The following TPH2 variants were observed in gnomAD, a reference collection of about 807,000 sequenced individuals.
The protein encoded by TPH2 is tryptophan hydroxylase 2, also known as tryptophan 5-hydroxylase 2.
Under a neutral mutation model 59.1 loss-of-function variants are expected in TPH2, and 27 were observed. The ratio of observed to expected loss-of-function variants is 0.46; its 90% CI spans 0.34 to 0.63. The LOEUF (loss-of-function observed/expected upper bound fraction) is 0.63. Ranked by LOEUF, TPH2 falls within the 30% of genes least tolerant of loss-of-function variation. The probability of loss-of-function intolerance (pLI) is 0.01; values close to 1 mark genes in which losing one functional copy is unlikely to be tolerated. For synonymous variants in TPH2, 220 were observed against 210.5 expected (o/e 1.05, Z -0.39); for missense variants, 523 against 588.3 (o/e 0.89, Z 1.15).
In TPH2 at chr12:71,949,470, C is replaced by T. The variant is rs535029649; in HGVS notation, c.541-118C>T. 1.9e-5 allele frequency: 16 copies of T among 826,670 alleles called. No individual in the cohort carries two copies. The African/African-American group carries it at 2.5e-4, about 13-fold the overall frequency. 51.2% of individuals were successfully genotyped at this position (826,670 alleles called of 1,614,324 possible). On this transcript the variant is annotated intron_variant, in intron 4 of 10. Coordinates refer to ENST00000333850, the MANE Select transcript of TPH2 (RefSeq NM_173353.4). The stretch of plus-strand genomic sequence containing the variant: ...CTGTCTGTGTCATCAAGATGGCCAT[C>T]CTAGGATAAGATTTACATATGAATT...
intron 8 of TPH2, among the ~76,000 whole-genome samples, chr12:72,017,169 A>T (rs1203703096): frequency 6.6e-5 from 10 of 152,128 alleles, no homozygotes; most frequent in Non-Finnish European, 1.3e-4. Context: ...GTGTCTGTGG[A>T]CTTGGTCCCT....
In TPH2 at chr12:71,957,762, A is replaced by G. The variant is rs372095428; in HGVS notation, c.608+8107A>G. Reference sequence around the variant, plus strand: ...GAGGGGACCTCCCAGCTTCACATAAATCATGCACATAGTTTGCTTCTTTAA... The same window carrying G: ...GAGGGGACCTCCCAGCTTCACATAAGTCATGCACATAGTTTGCTTCTTTAA... On this transcript the variant is annotated intron_variant, in intron 5 of 10. Coordinates refer to ENST00000333850, the MANE Select transcript of TPH2 (RefSeq NM_173353.4). 9.2e-5 allele frequency among the ~76,000 whole-genome samples: 14 copies of G among 152,306 alleles called. No individual in the cohort carries two copies. The South Asian group carries it at 1.0e-3, about 11-fold the overall frequency.
chr12:71,999,668 G>A (rs1872774119), intron 8 of TPH2, among the ~76,000 whole-genome samples: 1 of 152,124 alleles, frequency 6.6e-6, no homozygotes, highest in African/African-American at 2.4e-5. Context: ...AAGATAATAA[G>A]GAGTATCAGA....
chr12:71,961,714 G>C (rs746065300), intron 5 of TPH2: 1 of 1,348,722 alleles, frequency 7.4e-7, no homozygotes, highest in South Asian at 1.1e-5. Context: ...GATAGTTTTT[G>C]CAGATGAAAA....
intron 9 of TPH2, among the ~76,000 whole-genome samples, chr12:72,027,990 G>T (rs192456103): frequency 3.9e-5 from 6 of 152,284 alleles, no homozygotes; most frequent in Non-Finnish European, 7.4e-5. Flanking sequence ...TATACGTCTA[G>T]CCTCTGGGGA....
chr12:71,949,720 A>C (rs1027083612), intron 5 of TPH2, 65 bp downstream of exon 5: 13 of 1,364,826 alleles, frequency 9.5e-6, no homozygotes, highest in Non-Finnish European at 1.4e-5. Context: ...TGTGTTAAAC[A>C]AACCTGTCAT....
intron 9 of TPH2, among the ~76,000 whole-genome samples, chr12:72,023,978 G>T (rs1335468546): frequency 6.6e-6 from 1 of 152,108 alleles, no homozygotes; most frequent in Non-Finnish European, 1.5e-5. Context: ...GAGGCATAAA[G>T]ACATTAAGGA....
intron 8 of TPH2, among the ~76,000 whole-genome samples, chr12:72,020,185 G>A (rs759429446): frequency 6.6e-6 from 1 of 152,200 alleles, no homozygotes; most frequent in Non-Finnish European, 1.5e-5. Context: ...CACCTAGTTA[G>A]TAGAGGCTAG....
intron 8 of TPH2, among the ~76,000 whole-genome samples, chr12:72,019,794 T>C (rs1873359010): frequency 6.6e-6 from 1 of 152,110 alleles, no homozygotes; most frequent in South Asian, 2.1e-4. Context: ...TCAAGAAGTA[T>C]TTGTAGAATA....
chr12:72,017,751 C>T (rs1420674702), intron 8 of TPH2, among the ~76,000 whole-genome samples: 1 of 152,190 alleles, frequency 6.6e-6, no homozygotes, highest in Non-Finnish European at 1.5e-5. Flanking sequence ...GGAGAATTAT[C>T]TGAGGAAACC....
At position 72,032,201 on chromosome 12, in the gene TPH2, T is replaced by C. The variant is rs1330434628; in HGVS notation, c.*506T>C. On this transcript the variant is annotated 3_prime_UTR_variant, in exon 11 of 11. Coordinates refer to ENST00000333850, the MANE Select transcript of TPH2 (RefSeq NM_173353.4). Reference sequence around the variant, plus strand: ...TTCAATATTCTATTTCAAAAATTGTTGAGGTAACACAGCAGTTGGAATGAT... The same window carrying C: ...TTCAATATTCTATTTCAAAAATTGTCGAGGTAACACAGCAGTTGGAATGAT... 1 of 174,814 alleles carries C rather than the reference T, an allele frequency of 5.7e-6. No homozygotes were observed. Among genetic ancestry groups the C allele is most frequent in the Non-Finnish European group, 1.2e-5 (1 of 80,850 alleles). 10.8% of individuals were successfully genotyped at this position (174,814 alleles called of 1,614,324 possible). A position where few individuals can be genotyped will look rare whatever the true frequency, so the allele number is the denominator to read the frequency against.
intron 6 of TPH2, among the ~76,000 whole-genome samples, chr12:71,978,432 T>C (rs908004653): frequency 3.3e-5 from 5 of 152,210 alleles, no homozygotes; most frequent in Admixed American, 6.5e-5. Flanking sequence ...CTTCAAATCA[T>C]GATAATTTAT....
chr12:71,968,993 G>C (rs1021335934), intron 5 of TPH2, among the ~76,000 whole-genome samples: 1 of 152,298 alleles, frequency 6.6e-6, no homozygotes, highest in East Asian at 1.9e-4. Context: ...ATAGAAAGAT[G>C]CATAACGGGC....
At chr12:72,005,767 T>C (rs922643689) in intron 8 of TPH2, among the ~76,000 whole-genome samples, 1 of 152,206 alleles carries the variant, frequency 6.6e-6, no homozygotes, top group African/African-American at 2.4e-5. Flanking sequence ...TTTTCCTTCT[T>C]TGTTTTGAGA....
At chr12:71,953,466 G>A (rs924572175) in intron 5 of TPH2, among the ~76,000 whole-genome samples, 1 of 152,008 alleles carries the variant, frequency 6.6e-6, no homozygotes, top group Non-Finnish European at 1.5e-5. Flanking sequence ...TTCCAAATGG[G>A]CCTTGTCCAT....
intron 8 of TPH2, among the ~76,000 whole-genome samples, chr12:72,017,501 T>C (rs942890508): frequency 1.3e-5 from 2 of 152,244 alleles, no homozygotes; most frequent in Non-Finnish European, 2.9e-5. Flanking sequence ...ATTAATAGTA[T>C]GTAAAATTTG....
chr12:71,954,833 ATT>A (rs11316791), intron 5 of TPH2, among the ~76,000 whole-genome samples: 9 of 150,978 alleles, frequency 6.0e-5, no homozygotes, highest in African/African-American at 1.5e-4. Flanking sequence ...TGCATATTTA[ATT>A]TTTTTTTTCG....
rs575391023 is a variant in TPH2, at chr12:71,985,334, T to TTTG, written c.941+6268_941+6270dup. 4.3e-3 allele frequency among the ~76,000 whole-genome samples: 653 copies of TTTG among 152,182 alleles called. 4 individuals carry two copies. The highest frequency in any genetic ancestry group is 6.9e-3 in the Non-Finnish European group (466 of 68,000). ...TTGTATGCTGAAGCTGAATAGCATT[T>TTTG]TTGTTGTTGTTGTTGTTGTTGTTTT... On this transcript the variant is annotated intron_variant, in intron 7 of 10. Coordinates refer to ENST00000333850, the MANE Select transcript of TPH2 (RefSeq NM_173353.4).
At chr12:71,950,079 CAT>C (rs1201373459) in intron 5 of TPH2, among the ~76,000 whole-genome samples, 10 of 152,280 alleles carry the variant, frequency 6.6e-5, no homozygotes, top group African/African-American at 9.6e-5. Context: ...ATAGAGAAGA[CAT>C]GTGTTTGTTT....
Sources: allele counts gnomAD v4.1 joint callset (sites outside exome capture counted in the v4.1 genomes callset), GRCh38; gene constraint gnomAD v4.1.1; transcripts MANE v1.5; gene names NCBI Gene and HGNC (gene_info 2026-07-23, HGNC 2026-07-21).